Variants in GNAQ observed in about 807,000 individuals in gnomAD.
The protein encoded by GNAQ is G protein subunit alpha q.
Under a neutral mutation model 43.9 loss-of-function variants are expected in GNAQ, and 8 were observed. The ratio of observed to expected loss-of-function variants is 0.18; its 90% CI spans 0.11 to 0.33. The LOEUF (loss-of-function observed/expected upper bound fraction) is 0.33, where lower values mean the gene tolerates loss of function less well. Among genes scored for constraint, GNAQ ranks in the 10% least tolerant of loss-of-function variants. The pLI is 1.00. For missense variants in GNAQ, 158 were observed against 450.8 expected (o/e 0.35, Z 5.88); for synonymous variants, 155 against 170.7 (o/e 0.91, Z 0.71).
intron 1 of GNAQ, among the ~76,000 whole-genome samples, chr9:77,924,479 G>T (rs945912000): frequency 6.6e-6 from 1 of 152,194 alleles, no homozygotes; most frequent in Non-Finnish European, 1.5e-5. Context: ...CCTAATTTGT[G>T]AGGTTAATAT....
chr9:77,907,522 A>C (rs772292666), intron 2 of GNAQ, among the ~76,000 whole-genome samples: 1 of 152,254 alleles, frequency 6.6e-6, no homozygotes, highest in Non-Finnish European at 1.5e-5. Context: ...AGCAAAGTAC[A>C]TGTCTTACAC....
Position 77,853,923 on chromosome 9 carries a change from A to T in GNAQ, c.322-38153T>A, listed in dbSNP as rs192389386. Among the ~76,000 whole-genome samples the T allele has an allele frequency of 1.0e-3, 152 of 152,252 alleles. 1 individual carries two copies. The East Asian group carries it at 0.025, about 25-fold the overall frequency. ...ATGAATTTTGGAGTGCCTCCAGGCG[A>T]GAGGACAGAGGTTCCTGAAATCTGT... On this transcript the variant is annotated intron_variant, in intron 2 of 6. Coordinates refer to ENST00000286548, the MANE Select transcript of GNAQ (RefSeq NM_002072.5).
At chr9:77,758,727 TG>T (rs1463391007) in intron 5 of GNAQ, among the ~76,000 whole-genome samples, 3 of 152,196 alleles carry the variant, frequency 2.0e-5, no homozygotes, top group Admixed American at 1.3e-4. Context: ...CTTTTAAAAC[TG>T]TTCTATGTCA....
intron 3 of GNAQ, among the ~76,000 whole-genome samples, chr9:77,815,069 C>G (rs2118508847): frequency 6.6e-6 from 1 of 152,270 alleles, no homozygotes; most frequent in South Asian, 2.1e-4. Context: ...AAATTAGACT[C>G]ACATGAAATT....
At chr9:77,939,912 T>C (rs1487837964) in intron 1 of GNAQ, among the ~76,000 whole-genome samples, 1 of 152,190 alleles carries the variant, frequency 6.6e-6, no homozygotes, top group African/African-American at 2.4e-5. Flanking sequence ...TAGTTCTGAT[T>C]GGGTTACCTC....
At chr9:77,989,563 C>T (rs1341413306) in intron 1 of GNAQ, among the ~76,000 whole-genome samples, 2 of 152,180 alleles carry the variant, frequency 1.3e-5, no homozygotes, top group African/African-American at 4.8e-5. Context: ...AGAGAGAGAC[C>T]TTTTTGTCTC....
chr9:77,794,389 A>C, intron 5 of GNAQ, 74 bp downstream of exon 5: 1 of 1,046,384 alleles, frequency 9.6e-7, no homozygotes, highest in Non-Finnish European at 1.4e-6. Context: ...TCCATTCCCC[A>C]CACCCTACTT....
chr9:78,002,899 A>G (rs1259020038), intron 1 of GNAQ, among the ~76,000 whole-genome samples: 4 of 152,190 alleles, frequency 2.6e-5, no homozygotes, highest in Admixed American at 2.6e-4. Flanking sequence ...ATTTCCTTTC[A>G]GTCTACCATA....
chr9:77,818,780 A>T (rs1827060742), intron 2 of GNAQ, among the ~76,000 whole-genome samples: 1 of 152,088 alleles, frequency 6.6e-6, no homozygotes, highest in African/African-American at 2.4e-5. Flanking sequence ...CAGAAGGATC[A>T]CTTGAGGCCA....
At chr9:77,885,183 G>A (rs1303048750) in intron 2 of GNAQ, among the ~76,000 whole-genome samples, 1 of 152,136 alleles carries the variant, frequency 6.6e-6, no homozygotes, top group Non-Finnish European at 1.5e-5. Context: ...TGTGCCCAAA[G>A]TTGTGGTCTT....
intron 6 of GNAQ, among the ~76,000 whole-genome samples, chr9:77,724,420 C>T (rs1307644982): frequency 2.0e-5 from 3 of 152,140 alleles, no homozygotes; most frequent in Non-Finnish European, 2.9e-5. Context: ...TGGTCTTCAA[C>T]TCCTGGCCTC....
At chr9:77,781,554 T>C (rs1367084084) in intron 5 of GNAQ, among the ~76,000 whole-genome samples, 2 of 151,984 alleles carry the variant, frequency 1.3e-5, no homozygotes, top group Non-Finnish European at 2.9e-5. Context: ...CCAGACAAAG[T>C]CATTCCGAGA....
At chr9:77,872,625 C>T (rs937588587) in intron 2 of GNAQ, among the ~76,000 whole-genome samples, 1 of 152,146 alleles carries the variant, frequency 6.6e-6, no homozygotes, top group Non-Finnish European at 1.5e-5. Context: ...TAGTTCTTGA[C>T]CATGAATGTG....
chr9:78,007,960 G>A (rs984675250), intron 1 of GNAQ, among the ~76,000 whole-genome samples: 1 of 152,060 alleles, frequency 6.6e-6, no homozygotes, highest in African/African-American at 2.4e-5. Context: ...AATTTTTTTT[G>A]GAATAATTCT....
chr9:77,907,466 T>A (rs1371977876), intron 2 of GNAQ, among the ~76,000 whole-genome samples: 2 of 152,210 alleles, frequency 1.3e-5, no homozygotes, highest in Non-Finnish European at 2.9e-5. Context: ...AACTAAATAA[T>A]TTTGTTAAGT....
Position 77,719,127 on chromosome 9 carries a change from T to C in GNAQ, c.*2196A>G, listed in dbSNP as rs1408818802. On this transcript the variant is annotated 3_prime_UTR_variant, in exon 7 of 7. Coordinates refer to ENST00000286548, the MANE Select transcript of GNAQ (RefSeq NM_002072.5). ...TGTATGACAGTAAGGTTTTTTTTTT[T>C]TCTTCTTTTCTAAATGGAAAGAAAA... 4.3e-6 allele frequency: 1 copy of C among 232,046 alleles called. No individual in the cohort carries two copies. The highest frequency in any genetic ancestry group is 8.5e-6 in the Non-Finnish European group (1 of 117,410). The allele number at this position is 232,046 out of a possible 1,614,324, so 14.4% of individuals were successfully genotyped here.
intron 2 of GNAQ, among the ~76,000 whole-genome samples, chr9:77,858,616 G>A (rs972561826): frequency 1.3e-5 from 2 of 151,808 alleles, no homozygotes; most frequent in African/African-American, 4.8e-5. Flanking sequence ...GACGCCATCA[G>A]TCACCCCCTT....
chr9:77,779,144 C>T (rs1362464505), intron 5 of GNAQ, among the ~76,000 whole-genome samples: 1 of 151,914 alleles, frequency 6.6e-6, no homozygotes, highest in Non-Finnish European at 1.5e-5. Flanking sequence ...ACATAACAGT[C>T]ACCAAGACAG....
intron 5 of GNAQ, among the ~76,000 whole-genome samples, chr9:77,792,144 C>T (rs1180233315): frequency 6.6e-6 from 1 of 152,096 alleles, no homozygotes; most frequent in Non-Finnish European, 1.5e-5. Flanking sequence ...TAATGAACAG[C>T]ACTTTTCTCA....
Sources: allele counts gnomAD v4.1 joint callset (sites outside exome capture counted in the v4.1 genomes callset), GRCh38; gene constraint gnomAD v4.1.1; transcripts MANE v1.5; gene names NCBI Gene and HGNC (gene_info 2026-07-23, HGNC 2026-07-21).